The following MALRD1 variants were observed in gnomAD, a reference collection of about 807,000 sequenced individuals.
MALRD1 encodes the protein MAM and LDL-receptor class A domain-containing protein 1.
In MALRD1, 247 loss-of-function variants were observed where a neutral mutation model predicts 242.1. That is an observed-to-expected ratio of 1.02 (90% CI 0.92 to 1.13). The LOEUF (loss-of-function observed/expected upper bound fraction) is 1.13. Among genes scored for constraint, MALRD1 ranks in the 50% most tolerant of loss-of-function variants. The probability of loss-of-function intolerance (pLI) is 0.00; values close to 1 mark genes in which losing one functional copy is unlikely to be tolerated. For missense variants in MALRD1, 2,989 were observed against 2,533.1 expected, an observed-to-expected ratio of 1.18 and a Z score of -3.86; for synonymous variants, 995 against 866.6, an observed-to-expected ratio of 1.15 and a Z score of -2.60.
intron 21 of MALRD1, among the ~76,000 whole-genome samples, chr10:19,310,887 A>G (rs1588891131): frequency 6.6e-6 from 1 of 151,620 alleles, no homozygotes; most frequent in East Asian, 2.0e-4. Context: ...TACCATCAGT[A>G]TTAATTCACT....
chr10:19,208,717 G>A (rs913514139), intron 17 of MALRD1, among the ~76,000 whole-genome samples: 3 of 152,262 alleles, frequency 2.0e-5, no homozygotes, highest in Non-Finnish European at 4.4e-5. Flanking sequence ...CAATTTTACC[G>A]TGAGCCCCAG....
At chr10:19,272,424 TA>T (rs1393196501) in intron 19 of MALRD1, among the ~76,000 whole-genome samples, 1 of 152,018 alleles carries the variant, frequency 6.6e-6, no homozygotes, top group East Asian at 1.9e-4. Context: ...GGAAAAAGAA[TA>T]GGAGATATGA....
At chr10:19,585,334 A>G (rs1405807745) in intron 33 of MALRD1, among the ~76,000 whole-genome samples, 2 of 151,234 alleles carry the variant, frequency 1.3e-5, no homozygotes, top group Middle Eastern at 3.4e-3. Flanking sequence ...TGGTCTTTAC[A>G]TTTTGGCATG....
intron 18 of MALRD1, among the ~76,000 whole-genome samples, chr10:19,214,120 G>A (rs1253565237): frequency 1.3e-5 from 2 of 152,158 alleles, no homozygotes; most frequent in Non-Finnish European, 2.9e-5. Flanking sequence ...ACCCTTTGCA[G>A]AGCTCTGGAG....
chr10:19,624,586 C>G (rs1447829435), intron 36 of MALRD1, among the ~76,000 whole-genome samples: 3 of 151,938 alleles, frequency 2.0e-5, no homozygotes, highest in African/African-American at 7.3e-5. Flanking sequence ...AGCATTTAGG[C>G]CAGGCATGGT....
chr10:19,215,532 TC>T (rs1332424875), intron 18 of MALRD1, among the ~76,000 whole-genome samples: 1 of 152,146 alleles, frequency 6.6e-6, no homozygotes, highest in East Asian at 1.9e-4. Context: ...TGGTGCATTG[TC>T]CCCCCAAACT....
At chr10:19,099,954 T>G (rs1009850763) in intron 4 of MALRD1, among the ~76,000 whole-genome samples, 2 of 151,870 alleles carry the variant, frequency 1.3e-5, no homozygotes. Flanking sequence ...TGAGATGGGG[T>G]TTCGCCATGT....
At chr10:19,384,119 C>T (rs1440659291) in intron 26 of MALRD1, among the ~76,000 whole-genome samples, 2 of 150,978 alleles carry the variant, frequency 1.3e-5, no homozygotes, top group East Asian at 1.9e-4. Context: ...TCTGATGATT[C>T]GTGATGTTGA....
intron 2 of MALRD1, among the ~76,000 whole-genome samples, chr10:19,068,764 G>A (rs1835055304): frequency 6.6e-6 from 1 of 152,050 alleles, no homozygotes; most frequent in Admixed American, 6.6e-5. Flanking sequence ...CATTTCATAA[G>A]TATTAACCAA....
At chr10:19,329,979 AGC>A (rs1275185068) in intron 23 of MALRD1, among the ~76,000 whole-genome samples, 5 of 152,172 alleles carry the variant, frequency 3.3e-5, no homozygotes, top group African/African-American at 1.2e-4. Flanking sequence ...TTATTCACAG[AGC>A]ATTGCAGCAT....
At chr10:19,631,637 T>C (rs7922646) in intron 36 of MALRD1, among the ~76,000 whole-genome samples, 21,838 of 152,054 alleles carry the variant, frequency 0.14, 2,668 homozygotes, top group African/African-American at 0.33. Flanking sequence ...TTTTTCTCCA[T>C]AACCTCACCA....
At chr10:19,299,488 T>C (rs1841848271) in intron 21 of MALRD1, among the ~76,000 whole-genome samples, 1 of 152,008 alleles carries the variant, frequency 6.6e-6, no homozygotes, top group Non-Finnish European at 1.5e-5. Flanking sequence ...ATCCTAATTA[T>C]ATATGCATCC....
At chr10:19,267,167 C>T (rs1840006276) in intron 19 of MALRD1, among the ~76,000 whole-genome samples, 1 of 151,890 alleles carries the variant, frequency 6.6e-6, no homozygotes, top group African/African-American at 2.4e-5. Flanking sequence ...AATTTATGTG[C>T]TCTTTATTCT....
chr10:19,734,194 C>T lies in MALRD1; in HGVS notation c.6428C>T (p.Thr2143Ile). 3 of 1,535,866 alleles carry T rather than the reference C, an allele frequency of 2.0e-6. No individual in the cohort carries two copies. The highest frequency in any genetic ancestry group is 2.6e-6 in the Non-Finnish European group (3 of 1,146,736). Reference protein sequence around the residue: ...VYSFSNPLYGTTSGSLETLSH... With the variant: ...VYSFSNPLYGITSGSLETLSH... ...TCCTTCTCAAACCCATTATATGGCACAACATCAGGAAGCCTGGAGACCCTG... is the reference window on the plus strand; with the variant it reads ...TCCTTCTCAAACCCATTATATGGCATAACATCAGGAAGCCTGGAGACCCTG... Residue 2143 changes from threonine to isoleucine, a missense_variant, in exon 40 of 40, where the codon ACA becomes ATA. By Grantham distance (89) the Thr-to-Ile change is moderately conservative. Coordinates refer to ENST00000454679, the MANE Select transcript of MALRD1 (RefSeq NM_001142308.3).
At chr10:19,237,647 AT>A (rs1838407466) in intron 18 of MALRD1, among the ~76,000 whole-genome samples, 15 of 51,650 alleles carry the variant, frequency 2.9e-4, no homozygotes, top group African/African-American at 3.4e-4. Context: ...TATATAAATT[AT>A]TATAATTATA....
At chr10:19,437,782 C>T (rs558536785) in intron 28 of MALRD1, among the ~76,000 whole-genome samples, 11 of 152,258 alleles carry the variant, frequency 7.2e-5, no homozygotes, top group African/African-American at 2.4e-4. Context: ...TACAGTAATA[C>T]ATGCTGTATT....
intron 26 of MALRD1, among the ~76,000 whole-genome samples, chr10:19,364,459 A>G (rs1466810822): frequency 1.3e-5 from 2 of 152,138 alleles, no homozygotes; most frequent in Admixed American, 6.6e-5. Context: ...CCTAAGTAAT[A>G]TATGTGTTTG....
intron 33 of MALRD1, among the ~76,000 whole-genome samples, chr10:19,575,312 G>A (rs1257063188): frequency 6.6e-6 from 1 of 152,114 alleles, no homozygotes; most frequent in Non-Finnish European, 1.5e-5. Context: ...AATACTCCCA[G>A]CATGGTTGAT....
chr10:19,559,015 T>G (rs962458740), intron 32 of MALRD1, among the ~76,000 whole-genome samples: 1 of 151,842 alleles, frequency 6.6e-6, no homozygotes, highest in Non-Finnish European at 1.5e-5. Flanking sequence ...GAAACCTGTC[T>G]CTACTAAAAA....
Sources: gnomAD v4.1 joint callset for allele counts (sites outside exome capture counted in the v4.1 genomes callset) on GRCh38, gnomAD v4.1.1 for gene constraint, MANE v1.5 for transcripts, NCBI Gene and HGNC (gene_info 2026-07-23, HGNC 2026-07-21) for gene names.